MEIKIN: variants seen among roughly 807,000 people sequenced by gnomAD.
The protein encoded by MEIKIN is meiosis-specific kinetochore protein.
chr5:131,873,253 C>T (rs1750541190), intron 9 of MEIKIN, among the ~76,000 whole-genome samples: 1 of 152,114 alleles, frequency 6.6e-6, no homozygotes, highest in Non-Finnish European at 1.5e-5. Context: ...TCAGGAAACC[C>T]ATCTCACATG....
intron 8 of MEIKIN, among the ~76,000 whole-genome samples, chr5:131,903,478 G>A (rs1751192387): frequency 1.3e-5 from 2 of 152,184 alleles, no homozygotes; most frequent in South Asian, 4.1e-4. Context: ...TAAGCCAGAA[G>A]AGAATGGGGG....
intron 6 of MEIKIN, among the ~76,000 whole-genome samples, chr5:131,920,819 A>G (rs1751492167): frequency 6.6e-6 from 1 of 151,662 alleles, no homozygotes; most frequent in Non-Finnish European, 1.5e-5. Context: ...CTCCCACCTC[A>G]GCCTCTTGAG....
chr5:131,819,598 C>A (rs770228251), intron 11 of MEIKIN, among the ~76,000 whole-genome samples: 4 of 130,658 alleles, frequency 3.1e-5, no homozygotes, highest in Non-Finnish European at 5.0e-5. Flanking sequence ...TAGAAACTTC[C>A]TTTTTTTTTT....
intron 4 of MEIKIN, among the ~76,000 whole-genome samples, chr5:131,939,807 AC>A (rs2149655121): frequency 6.6e-6 from 1 of 152,296 alleles, no homozygotes; most frequent in Non-Finnish European, 1.5e-5. Flanking sequence ...ATTTCCTTAT[AC>A]CTTTCACGTG....
chr5:131,922,378 CTT>C (rs539631895), intron 5 of MEIKIN, among the ~76,000 whole-genome samples: 1 of 148,964 alleles, frequency 6.7e-6, no homozygotes, highest in African/African-American at 2.5e-5. Flanking sequence ...CATATACAGC[CTT>C]TTTTTTTTCT....
At chr5:131,913,764 C>A (rs1379850096) in intron 7 of MEIKIN, among the ~76,000 whole-genome samples, 1 of 152,192 alleles carries the variant, frequency 6.6e-6, no homozygotes, top group Non-Finnish European at 1.5e-5. Flanking sequence ...AGGCCACTGT[C>A]CAAACTCTAA....
At position 131,824,690 on chromosome 5, in the gene MEIKIN, A is replaced by T. The variant is rs186167030; in HGVS notation, c.976-5827T>A. On this transcript the variant is annotated intron_variant, in intron 11 of 12. Transcript: ENST00000442687. ...AAGAATTAGTAAGGAAATTGCCCAG[A>T]CTATAACAAATAAATGAAAAATATT... Among the ~76,000 whole-genome samples, 7 of 152,312 alleles carry T rather than the reference A, an allele frequency of 4.6e-5. No homozygotes were observed. In the East Asian group the frequency reaches 1.3e-3, roughly 29 times the overall value.
At chr5:131,817,981 A>AAAAAC (rs1268419210) in intron 12 of MEIKIN, among the ~76,000 whole-genome samples, 3 of 152,222 alleles carry the variant, frequency 2.0e-5, no homozygotes, top group African/African-American at 7.2e-5. Flanking sequence ...AAACCAAAGA[A>AAAAAC]AAAACAAAAC....
intron 8 of MEIKIN, among the ~76,000 whole-genome samples, chr5:131,894,202 C>T (rs975098645): frequency 6.6e-5 from 10 of 152,134 alleles, no homozygotes; most frequent in South Asian, 4.2e-4. Flanking sequence ...AAAAATCAGA[C>T]GGTTGTAGAT....
chr5:131,907,751 A>AGC (rs1751267085), intron 8 of MEIKIN, among the ~76,000 whole-genome samples: 3 of 152,152 alleles, frequency 2.0e-5, no homozygotes, highest in African/African-American at 7.2e-5. Flanking sequence ...ATGCGCCTGT[A>AGC]ATCCCAGCTA....
chr5:131,863,408 A>G (rs1447437561), intron 9 of MEIKIN, among the ~76,000 whole-genome samples: 1 of 152,082 alleles, frequency 6.6e-6, no homozygotes, highest in Non-Finnish European at 1.5e-5. Context: ...AGTCTCCCCC[A>G]TTACTATATT....
intron 11 of MEIKIN, among the ~76,000 whole-genome samples, chr5:131,827,636 A>C (rs1205778855): frequency 1.3e-5 from 2 of 152,228 alleles, no homozygotes; most frequent in Admixed American, 1.3e-4. Context: ...AGGCTTGCTA[A>C]AGAATGAAAA....
chr5:131,872,830 T>A (rs992253438), intron 9 of MEIKIN, among the ~76,000 whole-genome samples: 5 of 152,106 alleles, frequency 3.3e-5, no homozygotes, highest in African/African-American at 1.2e-4. Flanking sequence ...CAGAAGAGAG[T>A]GGGGGCCAAT....
chr5:131,808,028 C>T (rs1032838902), intron 12 of MEIKIN, among the ~76,000 whole-genome samples: 1 of 152,154 alleles, frequency 6.6e-6, no homozygotes, highest in African/African-American at 2.4e-5. Flanking sequence ...GTCCATGGAC[C>T]AGTTATGTCA....
intron 4 of MEIKIN, among the ~76,000 whole-genome samples, chr5:131,935,365 G>A (rs1190698383): frequency 6.6e-6 from 1 of 151,574 alleles, no homozygotes. Context: ...TAAGAAAATG[G>A]ACAAATATTT....
intron 12 of MEIKIN, among the ~76,000 whole-genome samples, chr5:131,814,883 TG>T (rs1237382760): frequency 1.3e-5 from 2 of 152,158 alleles, no homozygotes; most frequent in East Asian, 3.9e-4. Context: ...AAGGCCAACC[TG>T]GATGCCACTG....
intron 2 of MEIKIN, 93 bp downstream of exon 2, chr5:131,945,063 G>T: frequency 2.5e-6 from 1 of 398,762 alleles, no homozygotes; most frequent in South Asian, 1.3e-4. Flanking sequence ...TTTGCTCCTT[G>T]ACTGTTAGAA....
chr5:131,924,598 A>T (rs748549402), intron 5 of MEIKIN, among the ~76,000 whole-genome samples: 2 of 152,034 alleles, frequency 1.3e-5, no homozygotes, highest in Non-Finnish European at 2.9e-5. Flanking sequence ...TTTTTCATAT[A>T]CTTGCTGGCT....
chr5:131,830,905 T>G (rs908159920), intron 11 of MEIKIN, among the ~76,000 whole-genome samples: 82 of 149,214 alleles, frequency 5.5e-4, no homozygotes, highest in Non-Finnish European at 2.5e-4. Context: ...GGACTTTGGT[T>G]TTTTTTTTTT....
Sources: allele counts gnomAD v4.1 joint callset (sites outside exome capture counted in the v4.1 genomes callset), GRCh38; gene constraint gnomAD v4.1.1; transcripts MANE v1.5; gene names NCBI Gene and HGNC (gene_info 2026-07-23, HGNC 2026-07-21).